The following FBP1 variants were observed in gnomAD, a reference collection of about 807,000 sequenced individuals.
The protein encoded by FBP1 is fructose-1,6-bisphosphatase 1.
A neutral mutation model predicts 29.9 loss-of-function variants in FBP1; 22 were observed. The ratio of observed to expected loss-of-function variants is 0.74; its 90% CI spans 0.53 to 1.05. The LOEUF (loss-of-function observed/expected upper bound fraction) is 1.05, where lower values mean the gene tolerates loss of function less well. Ranked by LOEUF, FBP1 falls within the 50% of genes least tolerant of loss-of-function variation. FBP1 has a pLI of 0.00. For missense variants in FBP1, 345 were observed against 448.2 expected, an observed-to-expected ratio of 0.77 and a Z score of 2.08; for synonymous variants, 175 against 178.6, an observed-to-expected ratio of 0.98 and a Z score of 0.16.
At chr9:94,610,269 T>C (rs1394693171) in intron 3 of FBP1, among the ~76,000 whole-genome samples, 1 of 152,208 alleles carries the variant, frequency 6.6e-6, no homozygotes, top group Non-Finnish European at 1.5e-5. Flanking sequence ...TGCATCTGGA[T>C]TCCTCTTTCC....
intron 1 of FBP1, among the ~76,000 whole-genome samples, chr9:94,630,963 G>A (rs1238662029): frequency 6.6e-6 from 1 of 152,160 alleles, no homozygotes; most frequent in East Asian, 1.9e-4. Context: ...GGGGATTGGG[G>A]GAAGGGGAGG....
intron 3 of FBP1, among the ~76,000 whole-genome samples, chr9:94,615,841 T>G (rs1827853750): frequency 6.6e-6 from 1 of 151,858 alleles, no homozygotes; most frequent in African/African-American, 2.4e-5. Context: ...TTTTTTTTTT[T>G]TTTTGAGACG....
intron 3 of FBP1, among the ~76,000 whole-genome samples, chr9:94,613,898 T>C (rs1827823240): frequency 6.9e-6 from 1 of 145,078 alleles, no homozygotes; most frequent in East Asian, 2.2e-4. Context: ...TAACACACGG[T>C]GAAACCCCGT....
intron 1 of FBP1, among the ~76,000 whole-genome samples, chr9:94,632,285 T>TGCTA (rs1466124258): frequency 6.6e-6 from 1 of 152,142 alleles, no homozygotes; most frequent in Non-Finnish European, 1.5e-5. Context: ...ATATGTAACA[T>TGCTA]GCTAGCCTGG....
At chr9:94,635,061 C>T (rs931688166) in intron 1 of FBP1, among the ~76,000 whole-genome samples, 8 of 133,574 alleles carry the variant, frequency 6.0e-5, no homozygotes, top group Admixed American at 2.7e-4. Context: ...TGCACACCAG[C>T]CTGAGTGAGA....
Position 94,610,771 on chromosome 9 carries a change from G to A in FBP1, c.427-710C>T, listed in dbSNP as rs761826596. Among the ~76,000 whole-genome samples, 205 of 152,130 alleles carry A rather than the reference G, an allele frequency of 1.3e-3. 5 individuals carry two copies. Among genetic ancestry groups the A allele is most frequent in the Admixed American group, 4.6e-4 (7 of 15,284 alleles). On this transcript the variant is annotated intron_variant, in intron 3 of 6. Coordinates refer to ENST00000375326, the MANE Select transcript of FBP1 (RefSeq NM_000507.4). ...TTTTCATTAAAAACACAGCCCACTG[G>A]GTCATGTGGTCCAGAGTTTTTCTAA...
At chr9:94,621,212 TCAAAAAAAAAAAAAA>T (rs1827943265) in intron 1 of FBP1, among the ~76,000 whole-genome samples, 20 of 23,172 alleles carry the variant, frequency 8.6e-4, no homozygotes, top group African/African-American at 3.3e-3. Context: ...AGACTCCGTC[TCAAAAAAAAAAAAAA>T]AAAAAAAAAA....
chr9:94,639,700 G>A (rs566724633), upstream of FBP1, among the ~76,000 whole-genome samples: 147 of 118,298 alleles, frequency 1.2e-3, no homozygotes, highest in South Asian at 1.6e-3. Context: ...GCGCCCTGCC[G>A]CCCCCTAGTC....
chr9:94,603,587 C>T lies in FBP1; in HGVS notation c.826-15G>A, dbSNP rs148942437. The T allele has an allele frequency of 1.3e-3, 2,051 of 1,612,962 alleles. 28 individuals are homozygous for T. The African/African-American group carries it at 0.024, about 19-fold the overall frequency. ...AGCAGTCTCAGCTGGAAAACAAGACCGGGTAGCGGCCTCCTTGTATCAGAA... is the reference window on the plus strand; with the variant it reads ...AGCAGTCTCAGCTGGAAAACAAGACTGGGTAGCGGCCTCCTTGTATCAGAA... On this transcript the variant is annotated splice_polypyrimidine_tract_variant and intron_variant, in intron 6 of 6. Transcript: ENST00000375326.
chr9:94,639,718 G>T (rs1828258040), upstream of FBP1, among the ~76,000 whole-genome samples: 1 of 149,686 alleles, frequency 6.7e-6, no homozygotes, highest in African/African-American at 2.5e-5. Flanking sequence ...GTCTTCCTGG[G>T]CTGTCGCCCC....
upstream of FBP1, chr9:94,640,188 G>C (rs1828265165): frequency 1.3e-5 from 2 of 152,188 alleles, no homozygotes; most frequent in Non-Finnish European, 2.9e-5. Context: ...CAGAGTCCTC[G>C]GCTACCACAC....
chr9:94,606,968 A>AG lies in FBP1; in HGVS notation c.568-17dup. 2 of 1,614,030 alleles carry AG rather than the reference A, an allele frequency of 1.2e-6. No individual in the cohort carries two copies. Among genetic ancestry groups the AG allele is most frequent in the Non-Finnish European group, 1.7e-6 (2 of 1,179,902 alleles). On this transcript the variant is annotated splice_polypyrimidine_tract_variant and intron_variant, in intron 4 of 6. Coordinates refer to ENST00000375326, the MANE Select transcript of FBP1 (RefSeq NM_000507.4). The stretch of plus-strand genomic sequence containing the variant: ...CCCCGATGGCCTTTTTAGACAAGGA[A>AG]GGAAAGGTGGAGAGATGACGAGCGC...
upstream of FBP1, chr9:94,639,615 A>C: frequency 2.0e-6 from 1 of 499,212 alleles, no homozygotes; most frequent in South Asian, 2.1e-5. Flanking sequence ...CGCGGACCAG[A>C]CCGCGGCTCC....
rs142811660 is a variant in FBP1 at position 94,605,484 on chromosome 9, G to A, written c.798C>T (p.Pro266=). ...TTCCATTGGGGCTCTTCTTGTTAGC[G>A]GGGTACAGAAATATCCCTCCGTAGA... The part of the protein sequence containing the change: ...TLVYGGIFLY[P]ANKKSPNGKL... Residue 266 remains proline (P), a synonymous_variant, in exon 6 of 7, where the codon CCC becomes CCT. Transcript: ENST00000375326. 203 of 1,613,898 alleles carry A rather than the reference G, an allele frequency of 1.3e-4. 4 individuals are homozygous for A. The South Asian group carries it at 1.7e-3, about 14-fold the overall frequency.
chr9:94,603,717 G>T, intron 6 of FBP1, 145 bp from the exon 7 acceptor site: 1 of 762,084 alleles, frequency 1.3e-6, no homozygotes. Context: ...GGCTGTAAAA[G>T]TTTCCTCCCA....
At chr9:94,616,365 C>A (rs1394635998) in intron 3 of FBP1, among the ~76,000 whole-genome samples, 1 of 152,060 alleles carries the variant, frequency 6.6e-6, no homozygotes, top group Admixed American at 6.6e-5. Flanking sequence ...ACTAAAATCT[C>A]AGACTTCACC....
rs755117188 is a variant in FBP1 at position 94,617,863 on chromosome 9, G to A, written c.334-3C>T. ...TCAAAACAGACCACATATTTACCCT[G>A]AGCACAGAAAAAAGAAATACAACCT... On this transcript the variant is annotated splice_polypyrimidine_tract_variant and splice_region_variant and intron_variant, in intron 2 of 6. Transcript: ENST00000375326. The A allele has an allele frequency of 1.2e-6, 2 of 1,607,112 alleles. No homozygotes were observed. The highest frequency in any genetic ancestry group is 1.1e-5 in the South Asian group (1 of 90,956).
chr9:94,620,376 C>T lies in FBP1; in HGVS notation c.286G>A (p.Val96Met), dbSNP rs938176280. ...LKSSFATCVLVSEEDKHAIIV... is the reference protein window; with the variant it reads ...LKSSFATCVLMSEEDKHAIIV... ...ATGGCGTGTTTATCTTCTTCTGACA[C>T]GAGAACACACGTGGCAAAGGATGAC... The change falls in exon 2 of 7, where the codon GTG becomes ATG. Residue 96 changes from valine to methionine, a missense_variant. Val to Met is a conservative substitution (Grantham distance 21, BLOSUM62 1). Transcript: ENST00000375326. The T allele has an allele frequency of 1.2e-5, 20 of 1,614,054 alleles. No homozygotes were observed. The highest frequency in any genetic ancestry group is 2.2e-5 in the South Asian group (2 of 91,084).
rs138812153 is a variant in FBP1, at chr9:94,616,188, C to T, written c.426+1580G>A. 7.5e-3 allele frequency among the ~76,000 whole-genome samples: 1,139 copies of T among 152,150 alleles called. 13 individuals are homozygous for T. The highest frequency in any genetic ancestry group is 0.026 in the African/African-American group (1,072 of 41,502). Reference sequence around the variant, plus strand: ...CTAGAACAGAGTTCAGCTGAACCAACCTCTTCAGTCGATTCCAGCCTGTGA... The same window carrying T: ...CTAGAACAGAGTTCAGCTGAACCAATCTCTTCAGTCGATTCCAGCCTGTGA... On this transcript the variant is annotated intron_variant, in intron 3 of 6. Transcript: ENST00000375326.
Sources: gnomAD v4.1 joint callset for allele counts (sites outside exome capture counted in the v4.1 genomes callset) on GRCh38, gnomAD v4.1.1 for gene constraint, MANE v1.5 for transcripts, NCBI Gene and HGNC (gene_info 2026-07-23, HGNC 2026-07-21) for gene names.